The following MACF1 variants were observed in gnomAD, a reference collection of about 807,000 sequenced individuals.
MACF1 encodes microtubule-actin cross-linking factor 1.
Under a neutral mutation model 854.8 loss-of-function variants are expected in MACF1, and 193 were observed. The observed-to-expected ratio is 0.23, with a 90% CI of 0.20 to 0.25. MACF1 has a LOEUF of 0.25. MACF1 is among the 10% of genes least tolerant of loss of function. The pLI, the probability that MACF1 is intolerant of heterozygous loss-of-function variation, is 1.00. For missense variants in MACF1, 7,722 were observed against 8,929.1 expected (o/e 0.86, Z 5.45); for synonymous variants, 3,185 against 3,226.7 (o/e 0.99, Z 0.44).
At position 39,164,253 on chromosome 1, in the gene MACF1, A is replaced by T. The variant is rs575011807; in HGVS notation, c.221-66929A>T. 2.6e-5 allele frequency among the ~76,000 whole-genome samples: 4 copies of T among 152,274 alleles called. No individual in the cohort carries two copies. The South Asian group carries it at 8.3e-4, about 32-fold the overall frequency. On this transcript the variant is annotated intron_variant, in intron 2 of 93. Transcript: ENST00000361689. ...TTTAAGGATGGATTTCCACAAGTGG[A>T]ATCACTGGGTCTTAATACATATATT...
chr1:39,118,684 C>T (rs1029013286), intron 2 of MACF1, among the ~76,000 whole-genome samples: 10 of 151,940 alleles, frequency 6.6e-5, no homozygotes, highest in Middle Eastern at 3.4e-3. Flanking sequence ...AGTATGTGGT[C>T]GTGAAGGCAT....
At chr1:39,314,580 C>T (rs1646374962) in intron 26 of MACF1, among the ~76,000 whole-genome samples, 1 of 150,230 alleles carries the variant, frequency 6.7e-6, no homozygotes, top group Non-Finnish European at 1.5e-5. Context: ...CACACACACA[C>T]ACACACACAC....
At chr1:39,342,642 C>A (rs964575976) in intron 40 of MACF1, among the ~76,000 whole-genome samples, 3 of 151,516 alleles carry the variant, frequency 2.0e-5, no homozygotes, top group Non-Finnish European at 4.4e-5. Flanking sequence ...CCGCAGCCTC[C>A]CAAGTAGCTG....
chr1:39,418,965 T>A (rs995311892), intron 58 of MACF1, among the ~76,000 whole-genome samples: 4 of 152,234 alleles, frequency 2.6e-5, no homozygotes, highest in Non-Finnish European at 4.4e-5. Context: ...TTGCAACAAT[T>A]TTTACTAGTG....
Position 39,205,035 on chromosome 1 carries a change from G to A in MACF1, c.13G>A (p.Asp5Asn), listed in dbSNP as rs1433991679. 2 of 702,984 alleles carry A rather than the reference G, an allele frequency of 2.8e-6. No individual in the cohort carries two copies. Among genetic ancestry groups the A allele is most frequent in the South Asian group, 1.5e-5 (1 of 67,594 alleles). The allele number at this position is 702,984 out of a possible 1,614,324, so 43.5% of individuals were successfully genotyped here. A position where few individuals can be genotyped will look rare whatever the true frequency, so the allele number is the denominator to read the frequency against. MPLL[D>N]SSYLPPTIFI... ...GACGGGCCTGGAAATGCCCCTCTTAGATTCATCTTATTTACCACCAACCAT... is the reference window on the plus strand; with the variant it reads ...GACGGGCCTGGAAATGCCCCTCTTAAATTCATCTTATTTACCACCAACCAT... Residue 5 changes from aspartate (D) to asparagine (N), a missense_variant, in exon 1 of 101, where the codon GAT becomes AAT. This residue lies in a region of MACF1 where 22 missense variants were observed against 16.1 expected (regional missense o/e 1.37). Transcript: ENST00000564288.
chr1:39,268,973 C>T (rs1645270352), intron 6 of MACF1: 1 of 1,286,704 alleles, frequency 7.8e-7, no homozygotes, highest in Middle Eastern at 2.1e-4. Flanking sequence ...TGCCTGGGGA[C>T]TCAGCCCCCA....
chr1:39,189,788 C>A (rs1028463191), intron 2 of MACF1, among the ~76,000 whole-genome samples: 7 of 152,184 alleles, frequency 4.6e-5, no homozygotes, highest in Non-Finnish European at 1.0e-4. Flanking sequence ...CTGACACAGC[C>A]TGTACTGCTT....
chr1:39,239,382 A>G (rs565010127), intron 2 of MACF1, among the ~76,000 whole-genome samples: 3 of 152,250 alleles, frequency 2.0e-5, no homozygotes, highest in Admixed American at 6.5e-5. Flanking sequence ...GGATTCCCTG[A>G]TAACCTTTTG....
intron 2 of MACF1, among the ~76,000 whole-genome samples, chr1:39,180,186 CTTA>C (rs1487277606): frequency 1.3e-5 from 2 of 152,138 alleles, no homozygotes; most frequent in East Asian, 3.9e-4. Context: ...AGGATGAAGA[CTTA>C]TTATGATGGC....
intron 44 of MACF1, among the ~76,000 whole-genome samples, chr1:39,355,029 C>G (rs1172095206): frequency 6.6e-6 from 1 of 152,188 alleles, no homozygotes; most frequent in African/African-American, 2.4e-5. Context: ...AGGACACTTA[C>G]AACACATGGA....
chr1:39,458,315 C>A, intron 89 of MACF1, 55 bp from the exon 90 acceptor site: 2 of 1,575,232 alleles, frequency 1.3e-6, no homozygotes, highest in South Asian at 1.1e-5. Context: ...CCTTTGCCCC[C>A]ATAAGAGTAA....
intron 47 of MACF1, among the ~76,000 whole-genome samples, chr1:39,359,815 AAAAC>A (rs1463684759): frequency 6.6e-5 from 10 of 150,398 alleles, no homozygotes; most frequent in Non-Finnish European, 1.0e-4. Context: ...CTAAAAATAC[AAAAC>A]AAACAAACAA....
chr1:39,084,517 G>T lies in MACF1; in HGVS notation c.220+79G>T. On this transcript the variant is annotated intron_variant, in intron 2 of 93. Coordinates refer to the MACF1 transcript ENST00000361689. This position sits in a 1 kb window ranked among gnomAD's most constrained non-coding sequence, Gnocchi z 5.2. The stretch of plus-strand genomic sequence containing the variant: ...CCAGGGCACAGCAGCTGTGTGGGGA[G>T]CCGAGGGGTCCTCACCAGGGCCTCT... 1 of 1,233,144 alleles carries T rather than the reference G, an allele frequency of 8.1e-7. No homozygotes were observed. Among genetic ancestry groups the T allele is most frequent in the Non-Finnish European group, 1.1e-6 (1 of 872,784 alleles). The allele number at this position is 1,233,144 out of a possible 1,614,324, so 76.4% of individuals were successfully genotyped here.
At chr1:39,371,067 T>C (rs1649187669) in intron 51 of MACF1, among the ~76,000 whole-genome samples, 1 of 152,114 alleles carries the variant, frequency 6.6e-6, no homozygotes, top group African/African-American at 2.4e-5. Context: ...ACGCCTGTAA[T>C]ACCAGCACTT....
intron 1 of MACF1, among the ~76,000 whole-genome samples, chr1:39,221,061 T>C (rs1644646207): frequency 6.6e-6 from 1 of 152,160 alleles, no homozygotes; most frequent in Admixed American, 6.5e-5. Context: ...GAAAGGTTGC[T>C]CCTAGTAGAG....
At chr1:39,481,520 G>A (rs1645011071) in intron 99 of MACF1, among the ~76,000 whole-genome samples, 1 of 152,196 alleles carries the variant, frequency 6.6e-6, no homozygotes, top group African/African-American at 2.4e-5. Flanking sequence ...CGAGGCGTGG[G>A]TGCTGTCTCC....
At position 39,102,617 on chromosome 1, in the gene MACF1, A is replaced by T. The variant is rs2148133247; in HGVS notation, c.220+18179A>T. 4.9e-6 allele frequency: 3 copies of T among 617,556 alleles called. No homozygotes were observed. The East Asian group carries it at 8.2e-5, about 17-fold the overall frequency. The allele number at this position is 617,556 out of a possible 1,614,324, so 38.3% of individuals were successfully genotyped here. A position where few individuals can be genotyped will look rare whatever the true frequency, so the allele number is the denominator to read the frequency against. On this transcript the variant is annotated intron_variant, in intron 2 of 93. Transcript: ENST00000361689. ...AATAGAAAGTGGCAGGGCTTTAGGG[A>T]TAGGGGTATTTGATGAGGCTTTAAT... is the stretch of plus-strand genomic sequence containing the variant.
intron 44 of MACF1, 79 bp downstream of exon 44, chr1:39,353,310 T>C (rs1647258902): frequency 9.3e-7 from 1 of 1,076,120 alleles, no homozygotes; most frequent in Non-Finnish European, 1.3e-6. Flanking sequence ...ACCTTGCCCC[T>C]AAATCCAGTG....
At chr1:39,344,007 C>T (rs1245631593) in intron 40 of MACF1, among the ~76,000 whole-genome samples, 3 of 150,244 alleles carry the variant, frequency 2.0e-5, no homozygotes, top group Admixed American at 2.0e-4. Context: ...CTCAGCTACT[C>T]GGGAGGCTGA....
Sources: allele counts gnomAD v4.1 joint callset (sites outside exome capture counted in the v4.1 genomes callset), GRCh38; gene constraint gnomAD v4.1.1; regional missense constraint gnomAD v4.1.1; non-coding constraint Gnocchi (gnomAD v3.1); transcripts MANE v1.5; gene names NCBI Gene and HGNC (gene_info 2026-07-23, HGNC 2026-07-21).